Variants in CDH13 observed in about 807,000 individuals in gnomAD.
The protein encoded by CDH13 is cadherin 13.
A neutral mutation model predicts 63.8 loss-of-function variants in CDH13; 24 were observed. The observed-to-expected ratio is 0.38, with a 90% confidence interval of 0.27 to 0.53. The LOEUF is 0.53. CDH13 is among the 20% of genes least tolerant of loss of function. The pLI is 0.85. For synonymous variants in CDH13, 503 were observed against 355.3 expected (o/e 1.42, Z -4.67); for missense variants, 1,049 against 903.1 (o/e 1.16, Z -2.07).
chr16:83,753,856 A>C (rs1256720154), intron 11 of CDH13, among the ~76,000 whole-genome samples: 1 of 151,986 alleles, frequency 6.6e-6, no homozygotes, highest in Non-Finnish European at 1.5e-5. Context: ...AATATAAAAA[A>C]ATCTTAATTG....
chr16:83,369,864 T>C (rs1382813495), intron 6 of CDH13, among the ~76,000 whole-genome samples: 3 of 152,168 alleles, frequency 2.0e-5, no homozygotes, highest in African/African-American at 7.2e-5. Context: ...TCATGACACA[T>C]ATGTAGCATC....
At chr16:83,274,974 A>G (rs1235114348) in intron 5 of CDH13, among the ~76,000 whole-genome samples, 2 of 152,112 alleles carry the variant, frequency 1.3e-5, no homozygotes, top group Non-Finnish European at 2.9e-5. Flanking sequence ...TTAAAATTCC[A>G]TACTTCCAGC....
chr16:83,580,232 A>T (rs1905435369), intron 7 of CDH13, among the ~76,000 whole-genome samples: 1 of 152,130 alleles, frequency 6.6e-6, no homozygotes, highest in African/African-American at 2.4e-5. Flanking sequence ...TCATTTTAAT[A>T]AATATGTGCG....
intron 6 of CDH13, among the ~76,000 whole-genome samples, chr16:83,434,456 G>C (rs2072224985): frequency 6.6e-6 from 1 of 152,042 alleles, no homozygotes; most frequent in African/African-American, 2.4e-5. Context: ...GTCCAGCCCT[G>C]CCACCTCTCT....
intron 1 of CDH13, among the ~76,000 whole-genome samples, chr16:82,803,377 T>A (rs747062487): frequency 2.6e-5 from 4 of 152,216 alleles, no homozygotes; most frequent in Admixed American, 6.5e-5. Flanking sequence ...GGCAGAGTGT[T>A]TTCTTCCCAA....
chr16:82,734,432 A>G (rs1043779423), intron 1 of CDH13, among the ~76,000 whole-genome samples: 1 of 152,186 alleles, frequency 6.6e-6, no homozygotes, highest in African/African-American at 2.4e-5. Flanking sequence ...GTGTTTGAGG[A>G]GGCAGGTGCG....
chr16:82,760,871 A>T (rs1301781909), intron 1 of CDH13, among the ~76,000 whole-genome samples: 1 of 151,874 alleles, frequency 6.6e-6, no homozygotes, highest in Non-Finnish European at 1.5e-5. Flanking sequence ...CTTTTCAACA[A>T]TCAGATCTTG....
chr16:83,287,665 C>T (rs1471809550), intron 5 of CDH13, among the ~76,000 whole-genome samples: 1 of 152,062 alleles, frequency 6.6e-6, no homozygotes, highest in African/African-American at 2.4e-5. Context: ...ATTATGATGA[C>T]TTATATAATT....
intron 2 of CDH13, among the ~76,000 whole-genome samples, chr16:83,021,399 C>G (rs367813584): frequency 1.3e-5 from 2 of 152,186 alleles, no homozygotes; most frequent in African/African-American, 4.8e-5. Flanking sequence ...AGGAAACAAC[C>G]TGCCATGTTT....
chr16:83,564,439 C>T (rs2075758833), intron 7 of CDH13, among the ~76,000 whole-genome samples: 1 of 142,106 alleles, frequency 7.0e-6, no homozygotes, highest in Non-Finnish European at 1.5e-5. Context: ...GATGGAGTCT[C>T]ACTCTGTCAC....
chr16:83,117,404 C>T (rs539907895), intron 3 of CDH13, among the ~76,000 whole-genome samples: 2 of 110,834 alleles, frequency 1.8e-5, no homozygotes, highest in Admixed American at 9.9e-5. Context: ...CTTCCACTGC[C>T]ATCTCCTCGG....
chr16:83,400,436 C>T (rs752568080), intron 6 of CDH13, among the ~76,000 whole-genome samples: 38 of 152,120 alleles, frequency 2.5e-4, no homozygotes, highest in Admixed American at 4.6e-4. Context: ...GGTCATAGTG[C>T]GGAGCTCTGT....
chr16:82,750,951 A>G (rs745961223), intron 1 of CDH13, among the ~76,000 whole-genome samples: 2 of 152,174 alleles, frequency 1.3e-5, no homozygotes, highest in Non-Finnish European at 2.9e-5. Context: ...TCAAACCACA[A>G]CAGTGATGGA....
chr16:82,715,932 C>A (rs904953214), intron 1 of CDH13, among the ~76,000 whole-genome samples: 29 of 152,192 alleles, frequency 1.9e-4, no homozygotes, highest in African/African-American at 7.0e-4. Context: ...TACCAGATGC[C>A]TTTTATGAGC....
rs550744662 is a variant in CDH13, at chr16:83,005,951, G to A, written c.158-26059G>A. Among the ~76,000 whole-genome samples the A allele has an allele frequency of 7.2e-5, 11 of 152,282 alleles. No homozygotes were observed. In the South Asian group the frequency reaches 2.3e-3, roughly 32 times the overall value. On this transcript the variant is annotated intron_variant, in intron 2 of 13. Transcript: ENST00000567109. ...TTTGGTTTTTTGGTTGGTTGGTTTTGTTCACTTGTTTTTAATGTTGCAAAA... is the reference window on the plus strand; with the variant it reads ...TTTGGTTTTTTGGTTGGTTGGTTTTATTCACTTGTTTTTAATGTTGCAAAA...
At chr16:82,789,259 C>G (rs1200791197) in intron 1 of CDH13, among the ~76,000 whole-genome samples, 1 of 152,154 alleles carries the variant, frequency 6.6e-6, no homozygotes, top group Non-Finnish European at 1.5e-5. Flanking sequence ...AGGTGTTCCT[C>G]AGGTTAATTA....
At chr16:83,755,172 T>A (rs1215501288) in intron 11 of CDH13, among the ~76,000 whole-genome samples, 1 of 152,124 alleles carries the variant, frequency 6.6e-6, no homozygotes, top group Non-Finnish European at 1.5e-5. Context: ...AGATAGATAT[T>A]CCAGAACTGA....
chr16:83,176,654 A>G (rs2151737452), intron 4 of CDH13, among the ~76,000 whole-genome samples: 1 of 152,220 alleles, frequency 6.6e-6, no homozygotes, highest in Non-Finnish European at 1.5e-5. Context: ...CACATTCCTA[A>G]TAATCTGCAA....
At chr16:83,398,132 A>T (rs1347095132) in intron 6 of CDH13, 1 of 129,682 alleles carries the variant, frequency 7.7e-6, no homozygotes, top group Non-Finnish European at 1.7e-5. Flanking sequence ...TGCTAGGCGT[A>T]CTACCCTGGT....
Sources: gnomAD v4.1 joint callset for allele counts (sites outside exome capture counted in the v4.1 genomes callset) on GRCh38, gnomAD v4.1.1 for gene constraint, MANE v1.5 for transcripts, NCBI Gene and HGNC (gene_info 2026-07-23, HGNC 2026-07-21) for gene names.